IL1RAP: variants seen among roughly 807,000 people sequenced by gnomAD.
IL1RAP encodes the protein interleukin 1 receptor accessory protein, also known as interleukin-1 receptor accessory protein.
Under a neutral mutation model 60.7 loss-of-function variants are expected in IL1RAP, and 35 were observed. That is an observed-to-expected ratio of 0.58 (90% CI 0.44 to 0.76). The LOEUF is 0.76. IL1RAP is among the 30% of genes least tolerant of loss of function. IL1RAP has a pLI of 0.00. For missense variants in IL1RAP, 572 were observed against 693.9 expected, an observed-to-expected ratio of 0.82 and a Z score of 1.97; for synonymous variants, 268 against 250.9, an observed-to-expected ratio of 1.07 and a Z score of -0.64.
intron 3 of IL1RAP, among the ~76,000 whole-genome samples, chr3:190,580,085 A>T (rs1727857308): frequency 6.6e-6 from 1 of 152,216 alleles, no homozygotes; most frequent in Non-Finnish European, 1.5e-5. Flanking sequence ...TTTCTTGGGT[A>T]TATAGCTGTA....
At chr3:190,611,394 A>C (rs1560212196) in intron 5 of IL1RAP, among the ~76,000 whole-genome samples, 1 of 152,202 alleles carries the variant, frequency 6.6e-6, no homozygotes, top group Non-Finnish European at 1.5e-5. Flanking sequence ...GTCATCCATA[A>C]AATCCAGACT....
chr3:190,652,284 A>C (rs897237834), downstream of IL1RAP, among the ~76,000 whole-genome samples: 2 of 151,998 alleles, frequency 1.3e-5, no homozygotes, highest in Admixed American at 6.6e-5. Context: ...CAACATGGTG[A>C]AACCCTGTCT....
chr3:190,551,537 G>T (rs1188773602), intron 1 of IL1RAP, among the ~76,000 whole-genome samples: 3 of 152,142 alleles, frequency 2.0e-5, no homozygotes, highest in African/African-American at 4.8e-5. Context: ...ACAAAACAAA[G>T]ATCAGCAATA....
chr3:190,539,310 G>T (rs142083212), intron 1 of IL1RAP, among the ~76,000 whole-genome samples: 122 of 152,264 alleles, frequency 8.0e-4, no homozygotes, highest in African/African-American at 2.8e-3. Context: ...TCAGAATTTG[G>T]TGCCTCTGAA....
intron 1 of IL1RAP, among the ~76,000 whole-genome samples, chr3:190,546,298 G>A (rs779487338): frequency 3.3e-5 from 5 of 152,128 alleles, no homozygotes; most frequent in African/African-American, 1.2e-4. Context: ...TCCCTTATGC[G>A]TGGCTGCATC....
intron 2 of IL1RAP, among the ~76,000 whole-genome samples, chr3:190,559,323 C>T (rs544555912): frequency 6.6e-6 from 1 of 152,186 alleles, no homozygotes; most frequent in South Asian, 2.1e-4. Context: ...TTGTTCTTTT[C>T]AAAGAACTAA....
chr3:190,520,725 T>C (rs1721947307), intron 1 of IL1RAP, among the ~76,000 whole-genome samples: 1 of 152,196 alleles, frequency 6.6e-6, no homozygotes, highest in South Asian at 2.1e-4. Context: ...CTTTTATGTC[T>C]AGTTTATATC....
chr3:190,568,943 G>A (rs2108640991), intron 3 of IL1RAP, among the ~76,000 whole-genome samples: 1 of 152,330 alleles, frequency 6.6e-6, no homozygotes, highest in South Asian at 2.1e-4. Flanking sequence ...AGAGAAGGAA[G>A]AGGAAATAAT....
chr3:190,571,932 G>T (rs1347145254), intron 3 of IL1RAP, among the ~76,000 whole-genome samples: 1 of 152,202 alleles, frequency 6.6e-6, no homozygotes, highest in East Asian at 1.9e-4. Context: ...AGTGGCACAG[G>T]AGAGCCGGAA....
chr3:190,626,058 C>T (rs1732238692), intron 7 of IL1RAP, among the ~76,000 whole-genome samples: 2 of 152,150 alleles, frequency 1.3e-5, no homozygotes, highest in Admixed American at 1.3e-4. Flanking sequence ...AACCAGGACA[C>T]TTTCTGTGAG....
chr3:190,604,432 G>A lies in IL1RAP; in HGVS notation c.350+19G>A. ...TGTTAAGGTAGCCTGATTCTTGGCA[G>A]TGGCTTTCTCTTTTCCCTTTAGTTT... is the stretch of plus-strand genomic sequence containing the variant. On this transcript the variant is annotated intron_variant, in intron 4 of 11. Coordinates refer to ENST00000447382, the MANE Select transcript of IL1RAP (RefSeq NM_002182.4). 1 of 1,607,262 alleles carries A rather than the reference G, an allele frequency of 6.2e-7. No homozygotes were observed. Among genetic ancestry groups the A allele is most frequent in the African/African-American group, 1.3e-5 (1 of 74,676 alleles).
chr3:190,563,921 G>A (rs984687436), intron 2 of IL1RAP: 4 of 116,224 alleles, frequency 3.4e-5, no homozygotes, highest in African/African-American at 1.1e-4. Context: ...TTATAGTTCA[G>A]TGAAAAAGAG....
At chr3:190,562,276 G>T (rs907506277) in intron 2 of IL1RAP, among the ~76,000 whole-genome samples, 2 of 151,884 alleles carry the variant, frequency 1.3e-5, no homozygotes, top group Admixed American at 6.6e-5. Context: ...TTCTTTTATT[G>T]TCTTGGCTGG....
Position 190,649,526 on chromosome 3 carries a change from G to C in IL1RAP, c.*821G>C. 2 of 985,820 alleles carry C rather than the reference G, an allele frequency of 2.0e-6. No individual in the cohort carries two copies. The highest frequency in any genetic ancestry group is 2.4e-6 in the Non-Finnish European group (2 of 829,928). The allele number at this position is 985,820 out of a possible 1,614,324, so 61.1% of individuals were successfully genotyped here. A position where few individuals can be genotyped will look rare whatever the true frequency, so the allele number is the denominator to read the frequency against. The stretch of plus-strand genomic sequence containing the variant: ...AAAGAAATCTCCTAATGGTGCTATA[G>C]AGAGGGAGGTAACAGAAAGACTCTT... On this transcript the variant is annotated 3_prime_UTR_variant, in exon 12 of 12. Transcript: ENST00000447382.
intron 3 of IL1RAP, among the ~76,000 whole-genome samples, chr3:190,588,152 T>C (rs1259831223): frequency 1.3e-5 from 2 of 152,204 alleles, no homozygotes; most frequent in African/African-American, 4.8e-5. Flanking sequence ...TCTCACTCTG[T>C]TGCCAGGCTG....
intron 3 of IL1RAP, among the ~76,000 whole-genome samples, chr3:190,592,516 G>A (rs989816154): frequency 6.6e-6 from 1 of 152,188 alleles, no homozygotes; most frequent in Admixed American, 6.5e-5. Context: ...GAGACCTTCA[G>A]CAGCTTCGTT....
At position 190,650,852 on chromosome 3, in the gene IL1RAP, A is replaced by G. The variant is rs994777255; in HGVS notation, c.*2147A>G. ...TACATAAACTTTAGGCAAACAGGGA[A>G]TAGTCTAGTCACCAAAGGACCATTC... On this transcript the variant is annotated 3_prime_UTR_variant, in exon 12 of 12. Coordinates refer to ENST00000447382, the MANE Select transcript of IL1RAP (RefSeq NM_002182.4). The G allele has an allele frequency of 4.1e-6, 4 of 985,248 alleles. No homozygotes were observed. The African/African-American group carries it at 7.0e-5, about 17-fold the overall frequency. 61.0% of individuals were successfully genotyped at this position (985,248 alleles called of 1,614,324 possible). A position where few individuals can be genotyped will look rare whatever the true frequency, so the allele number is the denominator to read the frequency against.
intron 1 of IL1RAP, among the ~76,000 whole-genome samples, chr3:190,546,842 A>C (rs541163714): frequency 7.2e-4 from 110 of 152,318 alleles, no homozygotes; most frequent in Middle Eastern, 3.4e-3. Flanking sequence ...TCATCTATTC[A>C]CATTTAGCGT....
intron 3 of IL1RAP, among the ~76,000 whole-genome samples, chr3:190,572,887 G>T (rs1272895031): frequency 5.3e-4 from 3 of 5,714 alleles, no homozygotes; most frequent in East Asian, 0.02. Flanking sequence ...TTTTTGAGAC[G>T]GAGTCTCGCT....
Sources: gnomAD v4.1 joint callset for allele counts (sites outside exome capture counted in the v4.1 genomes callset) on GRCh38, gnomAD v4.1.1 for gene constraint, MANE v1.5 for transcripts, NCBI Gene and HGNC (gene_info 2026-07-23, HGNC 2026-07-21) for gene names.